The following DNAH1 variants were observed in gnomAD, a reference collection of about 807,000 sequenced individuals.
DNAH1 encodes the protein axonemal beta dynein heavy chain 1.
DNAH1 carries 327 observed loss-of-function variants against 484.3 expected under a neutral mutation model. The ratio of observed to expected loss-of-function variants is 0.68; its 90% CI spans 0.62 to 0.74. DNAH1 has a LOEUF of 0.74. Among genes scored for constraint, DNAH1 ranks in the 30% least tolerant of loss-of-function variants. DNAH1 has a pLI of 0.00. For synonymous variants in DNAH1, 2,192 were observed against 2,191.9 expected (o/e 1.00, Z 0.00); for missense variants, 5,052 against 5,546.8 (o/e 0.91, Z 2.83).
At chr3:52,373,336 C>T (rs1045950507) in intron 44 of DNAH1, among the ~76,000 whole-genome samples, 2 of 64,522 alleles carry the variant, frequency 3.1e-5, no homozygotes, top group South Asian at 4.6e-4. Flanking sequence ...GACGGCGGGG[C>T]GGGGGCGCTG....
At position 52,361,703 on chromosome 3, in the gene DNAH1, C is replaced by T; in HGVS notation, c.4917C>T (p.Asp1639=). 2.5e-6 allele frequency: 4 copies of T among 1,611,712 alleles called. No homozygotes were observed. The highest frequency in any genetic ancestry group is 3.4e-6 in the Non-Finnish European group (4 of 1,179,038). The change falls in exon 30 of 78, where the codon GAC becomes GAT. Residue 1639 remains aspartate, a synonymous_variant. Coordinates refer to ENST00000420323, the MANE Select transcript of DNAH1 (RefSeq NM_015512.5). This position sits in a 1 kb window ranked among gnomAD's most constrained non-coding sequence, Gnocchi z 5.6. ...GCTTCGACGAGTTCAATCGCATCGA[C>T]ATCGAGGTGCTGTCTGTGGTGGCGC... ...WACFDEFNRI[D]IEVLSVVAQQ...
Position 52,381,950 on chromosome 3 carries a change from G to A in DNAH1, c.7805+114G>A, listed in dbSNP as rs112378680. On this transcript the variant is annotated intron_variant, in intron 49 of 77. Coordinates refer to ENST00000420323, the MANE Select transcript of DNAH1 (RefSeq NM_015512.5). The surrounding 1 kb of genome is among the most constrained non-coding windows in gnomAD (Gnocchi z 4.1). ...CCTCGGGCAACCCTGAAGTAGGCCC[G>A]TGCAGCCTACAGGCTTCTGGAAAGA... 4.7e-5 allele frequency: 54 copies of A among 1,154,222 alleles called. No homozygotes were observed. The African/African-American group carries it at 5.1e-4, about 11-fold the overall frequency. The allele number at this position is 1,154,222 out of a possible 1,614,324, so 71.5% of individuals were successfully genotyped here. A position where few individuals can be genotyped will look rare whatever the true frequency, so the allele number is the denominator to read the frequency against.
chr3:52,355,023 A>G lies in DNAH1; in HGVS notation c.3661A>G (p.Asn1221Asp). 1.2e-6 allele frequency: 2 copies of G among 1,613,862 alleles called. No individual in the cohort carries two copies. Among genetic ancestry groups the G allele is most frequent in the Non-Finnish European group, 1.7e-6 (2 of 1,179,876 alleles). Residue 1221 changes from asparagine to aspartate, a missense_variant, in exon 21 of 78, where the codon AAC becomes GAC. Asn to Asp is a conservative substitution (Grantham distance 23). Transcript: ENST00000420323. This position sits in a 1 kb window ranked among gnomAD's most constrained non-coding sequence, Gnocchi z 4.5. ...CAAGAAGCCCTTTGAGCAGCGCATCAACTCCTGGGAGAACAAACTGAAGCT... is the reference window on the plus strand; with the variant it reads ...CAAGAAGCCCTTTGAGCAGCGCATCGACTCCTGGGAGAACAAACTGAAGCT... ...PYKKPFEQRI[N>D]SWENKLKLTQ...
chr3:52,384,844 C>T lies in DNAH1; in HGVS notation c.8381C>T (p.Ala2794Val). 1 of 1,603,144 alleles carries T rather than the reference C, an allele frequency of 6.2e-7. No individual in the cohort carries two copies. The highest frequency in any genetic ancestry group is 8.5e-7 in the Non-Finnish European group (1 of 1,174,794). Residue 2794 changes from alanine (A) to valine (V), a missense_variant, in exon 53 of 78, where the codon GCA becomes GTA. By Grantham distance (64) the Ala-to-Val change is moderately conservative. This residue lies in a region of DNAH1 where 2,929 missense variants were observed against 3,409.4 expected (regional missense o/e 0.86). Transcript: ENST00000420323. Reference sequence around the variant, plus strand: ...TCCAAGAAGTGCATCGAGTACCTGGCAGAGCTGACCCGCCACAACTATGTG... The same window carrying T: ...TCCAAGAAGTGCATCGAGTACCTGGTAGAGCTGACCCGCCACAACTATGTG... ...SVSKKCIEYL[A>V]ELTRHNYVTP...
the DNAH1 span, among the ~76,000 whole-genome samples, chr3:52,311,112 G>C: frequency 6.6e-6 from 1 of 152,222 alleles, no homozygotes; most frequent in African/African-American, 2.4e-5. Flanking sequence ...GCCTGAGGGA[G>C]GATGACGGAG....
chr3:52,396,276 C>G lies in DNAH1; in HGVS notation c.11260-92C>G, dbSNP rs1025545613. Reference sequence around the variant, plus strand: ...CAGTTGTCTGTGCAGCCTCGCCTGACCCACCTCAGGGTCCCTGGGCAGGAG... The same window carrying G: ...CAGTTGTCTGTGCAGCCTCGCCTGAGCCACCTCAGGGTCCCTGGGCAGGAG... On this transcript the variant is annotated intron_variant, in intron 70 of 77. Transcript: ENST00000420323. 3 of 1,414,442 alleles carry G rather than the reference C, an allele frequency of 2.1e-6. No homozygotes were observed. In the Admixed American group the frequency reaches 6.5e-5, roughly 31 times the overall value. 87.6% of individuals were successfully genotyped at this position (1,414,442 alleles called of 1,614,324 possible).
Position 52,370,588 on chromosome 3 carries a change from C to T in DNAH1, c.6370C>T (p.Arg2124Cys), listed in dbSNP as rs1165380524. The T allele has an allele frequency of 9.3e-6, 15 of 1,613,236 alleles. No individual in the cohort carries two copies. Among genetic ancestry groups the T allele is most frequent in the Non-Finnish European group, 9.3e-6 (11 of 1,179,590 alleles). ...SVGATGDSSG[R>C]TSFSHWLRLK... ...GGGTGCCACTGGGGACAGCAGTGGC[C>T]GCACCAGTTTCAGCCACTGGCTAAG... The change falls in exon 40 of 78, where the codon CGC becomes TGC. Residue 2124 changes from arginine (R) to cysteine (C), a missense_variant. By Grantham distance (180) the Arg-to-Cys change is radical (BLOSUM62 -3). This residue lies in a region of DNAH1 where 2,929 missense variants were observed against 3,409.4 expected (regional missense o/e 0.86). Coordinates refer to ENST00000420323, the MANE Select transcript of DNAH1 (RefSeq NM_015512.5).
In DNAH1 at chr3:52,358,671, G is replaced by C; in HGVS notation, c.4200G>C (p.Glu1400Asp). The change falls in exon 25 of 78, where the codon GAG becomes GAC. Residue 1400 changes from glutamate to aspartate, a missense_variant. Glu to Asp is a conservative substitution (Grantham distance 45). Coordinates refer to ENST00000420323, the MANE Select transcript of DNAH1 (RefSeq NM_015512.5). The surrounding 1 kb of genome is among the most constrained non-coding windows in gnomAD (Gnocchi z 4.2). ...GCAACGTGGAGGACTGGCTGCGGGA[G>C]GTGGAGCGCAGCATGAAGGCCAGTG... ...PSSNVEDWLR[E>D]VERSMKASVH... is the part of the protein sequence containing the mutation. 1 of 1,613,132 alleles carries C rather than the reference G, an allele frequency of 6.2e-7. No homozygotes were observed. Among genetic ancestry groups the C allele is most frequent in the Admixed American group, 1.7e-5 (1 of 59,988 alleles).
chr3:52,380,767 T>C (rs188452548), intron 48 of DNAH1, among the ~76,000 whole-genome samples: 394 of 152,328 alleles, frequency 2.6e-3, no homozygotes, highest in Non-Finnish European at 4.4e-3. Flanking sequence ...CACGGTGCTC[T>C]GATCAGCCGA....
chr3:52,355,916 G>C lies in DNAH1; in HGVS notation c.3694-698G>C, dbSNP rs1429589684. Among the ~76,000 whole-genome samples the C allele has an allele frequency of 6.6e-6, 1 of 152,220 alleles. No homozygotes were observed. Among genetic ancestry groups the C allele is most frequent in the Non-Finnish European group, 1.5e-5 (1 of 68,036 alleles). ...TACACATGCCGGGCCCATGATTCAG[G>C]GGCAGAACTGGCCCCTTAGTGGGCT... On this transcript the variant is annotated intron_variant, in intron 21 of 77. Transcript: ENST00000420323. The surrounding 1 kb of genome is among the most constrained non-coding windows in gnomAD (Gnocchi z 4.5).
Position 52,386,866 on chromosome 3 carries a change from G to T in DNAH1, c.9003+13G>T. 1 of 1,541,210 alleles carries T rather than the reference G, an allele frequency of 6.5e-7. No individual in the cohort carries two copies. Among genetic ancestry groups the T allele is most frequent in the South Asian group, 1.2e-5 (1 of 81,846 alleles). On this transcript the variant is annotated intron_variant, in intron 56 of 77. Transcript: ENST00000420323. Reference sequence around the variant, plus strand: ...CAAGTTTGACAAGGTAAGCATGCCAGGCACCCTGGCCAGCCAGCGAGTGAG... The same window carrying T: ...CAAGTTTGACAAGGTAAGCATGCCATGCACCCTGGCCAGCCAGCGAGTGAG...
At chr3:52,344,454 G>T in intron 8 of DNAH1, 36 bp from the exon 9 acceptor site, 1 of 1,603,196 alleles carries the variant, frequency 6.2e-7, no homozygotes, top group East Asian at 2.2e-5. Flanking sequence ...AGGGTGTGGA[G>T]CCCCTGATTC....
intron 50 of DNAH1, 33 bp downstream of exon 50, chr3:52,382,488 G>C (rs369750145): frequency 8.7e-6 from 14 of 1,611,034 alleles, no homozygotes; most frequent in African/African-American, 5.3e-5. Context: ...CAGGGCTCGG[G>C]GGGGCTGGAC....
rs1402758488 is a variant in DNAH1 at position 52,343,397 on chromosome 3, GATTCCGGGGTGTGA to G, written c.1287-1091_1287-1078del. 3.3e-5 allele frequency among the ~76,000 whole-genome samples: 5 copies of G among 152,136 alleles called. 1 individual carries two copies. The East Asian group carries it at 9.6e-4, about 29-fold the overall frequency. ...CTTCTACCCTGGCAGAAGGCAGGGA[GATTCCGGGGTGTGA>G]AGATGGGGTCATTTCTGTCCAATGG... On this transcript the variant is annotated intron_variant, in intron 8 of 77. Transcript: ENST00000420323.
chr3:52,318,025 T>G (rs1701013475), intron 1 of DNAH1: 1 of 152,322 alleles, frequency 6.6e-6, no homozygotes, highest in Non-Finnish European at 1.5e-5. Flanking sequence ...TGCTGAGCCT[T>G]GGCCAGGGGG....
At position 52,388,316 on chromosome 3, in the gene DNAH1, G is replaced by C. The variant is rs757737456; in HGVS notation, c.9153G>C (p.Lys3051Asn). ...RAMHKYHFVA[K>N]AVEPKRQALL... ...TGCACAAGTACCACTTTGTGGCCAAGGCCGTGGAGCCCAAGCGGGTGAGGG... is the reference window on the plus strand; with the variant it reads ...TGCACAAGTACCACTTTGTGGCCAACGCCGTGGAGCCCAAGCGGGTGAGGG... Residue 3051 changes from lysine (K) to asparagine (N), a missense_variant, in exon 57 of 78, where the codon AAG becomes AAC. Coordinates refer to ENST00000420323, the MANE Select transcript of DNAH1 (RefSeq NM_015512.5). The C allele has an allele frequency of 6.2e-7, 1 of 1,602,744 alleles. No individual in the cohort carries two copies.
intron 44 of DNAH1, chr3:52,374,440 CAA>C: frequency 1.5e-6 from 2 of 1,332,800 alleles, no homozygotes; most frequent in South Asian, 1.2e-5. Context: ...AAATGCTGGC[CAA>C]AGACTCACAG....
intron 36 of DNAH1, among the ~76,000 whole-genome samples, chr3:52,367,555 AG>A (rs1325082845): frequency 5.3e-5 from 8 of 152,048 alleles, no homozygotes; most frequent in Non-Finnish European, 1.0e-4. Context: ...CCCCTGTTAA[AG>A]AAAAAAAATT....
In DNAH1 at chr3:52,323,853, G is replaced by A; in HGVS notation, c.379G>A (p.Ala127Thr). The A allele has an allele frequency of 6.3e-7, 1 of 1,582,566 alleles. No homozygotes were observed. The highest frequency in any genetic ancestry group is 8.6e-7 in the Non-Finnish European group (1 of 1,164,268). The change falls in exon 3 of 78, where the codon GCT (alanine) becomes ACT (threonine). Residue 127 changes from alanine to threonine, a missense_variant. This residue lies in a region of DNAH1 where 1,263 missense variants were observed against 1,218.8 expected (regional missense o/e 1.04). Transcript: ENST00000420323. ...PRMSQNLLRQ[A>T]DLDKFTPRVG... is the part of the protein sequence containing the mutation. ...AATGAGCCAGAACCTCCTGCGGCAG[G>A]CTGACCTTGACAAGTTCACCCCAAG...
Sources: gnomAD v4.1 joint callset for allele counts (sites outside exome capture counted in the v4.1 genomes callset) on GRCh38, gnomAD v4.1.1 for gene constraint, gnomAD v4.1.1 regional missense constraint, Gnocchi (gnomAD v3.1) non-coding constraint, MANE v1.5 for transcripts, NCBI Gene and HGNC (gene_info 2026-07-23, HGNC 2026-07-21) for gene names.